ZFAND6: variants seen among roughly 807,000 people sequenced by gnomAD.
ZFAND6 encodes the protein AN1-type zinc finger protein 6.
Under a neutral mutation model 24.5 loss-of-function variants are expected in ZFAND6, and 12 were observed. That is an observed-to-expected ratio of 0.49 (90% CI 0.31 to 0.79). ZFAND6 has a LOEUF of 0.79. ZFAND6 is among the 30% of genes least tolerant of loss of function. The pLI, the probability that ZFAND6 is intolerant of heterozygous loss-of-function variation, is 0.04. For synonymous variants in ZFAND6, 92 were observed against 81.5 expected, an observed-to-expected ratio of 1.13 and a Z score of -0.69; for missense variants, 207 against 245.9, an observed-to-expected ratio of 0.84 and a Z score of 1.06.
chr15:80,111,660 T>C, intron 2 of ZFAND6: 1 of 334,286 alleles, frequency 3.0e-6, no homozygotes, highest in Non-Finnish European at 6.0e-6. Context: ...TTAATAAAGT[T>C]TTCTTATAAG....
chr15:80,127,739 G>T (rs1197062622), intron 5 of ZFAND6, among the ~76,000 whole-genome samples: 1 of 152,108 alleles, frequency 6.6e-6, no homozygotes, highest in East Asian at 1.9e-4. Context: ...GAGCCCTCCT[G>T]CCTTGGTGGG....
intron 2 of ZFAND6, among the ~76,000 whole-genome samples, chr15:80,113,982 T>C (rs944453757): frequency 2.6e-5 from 4 of 151,852 alleles, no homozygotes; most frequent in African/African-American, 9.7e-5. Context: ...CTGAAGTAGA[T>C]AGGATTATTA....
chr15:80,068,128 GTTTT>G lies in ZFAND6; in HGVS notation c.-181+8330_-181+8333del, dbSNP rs60285625. 5.5e-3 allele frequency among the ~76,000 whole-genome samples: 809 copies of G among 146,772 alleles called. 7 individuals are homozygous for G. Among genetic ancestry groups the G allele is most frequent in the Middle Eastern group, 0.036 (10 of 274 alleles). On this transcript the variant is annotated intron_variant, in intron 1 of 6. Coordinates refer to ENST00000261749, the MANE Select transcript of ZFAND6 (RefSeq NM_019006.4). ...AGGCGAGCACCACCGCGCCTGGCCT[GTTTT>G]TTTTTTTTTTGTTTGTTTGTTTGTT...
chr15:80,128,345 A>G (rs1184857270), intron 5 of ZFAND6, among the ~76,000 whole-genome samples: 1 of 152,258 alleles, frequency 6.6e-6, no homozygotes, highest in Non-Finnish European at 1.5e-5. Context: ...CCACCCCAAG[A>G]CAGTGAAGAG....
chr15:80,088,458 C>G (rs1417008285), intron 1 of ZFAND6, among the ~76,000 whole-genome samples: 1 of 152,106 alleles, frequency 6.6e-6, no homozygotes, highest in Non-Finnish European at 1.5e-5. Flanking sequence ...CCCAGCTACT[C>G]AGGAGGCCGA....
chr15:80,059,041 G>A (rs2141753239), upstream of ZFAND6, among the ~76,000 whole-genome samples: 1 of 152,356 alleles, frequency 6.6e-6, no homozygotes, highest in East Asian at 1.9e-4. Flanking sequence ...GCTTGTGCCT[G>A]TGCATGTATG....
intron 1 of ZFAND6, among the ~76,000 whole-genome samples, chr15:80,062,552 AGT>A (rs1385241570): frequency 2.6e-5 from 4 of 151,964 alleles, no homozygotes; most frequent in East Asian, 1.9e-4. Flanking sequence ...CATGTATGTA[AGT>A]GTGAATTTAC....
intron 6 of ZFAND6, among the ~76,000 whole-genome samples, chr15:80,131,794 A>G (rs1168134858): frequency 6.6e-6 from 1 of 152,254 alleles, no homozygotes; most frequent in Non-Finnish European, 1.5e-5. Flanking sequence ...AGAAATGTTC[A>G]AAAGCATTTA....
chr15:80,095,522 G>A (rs2038666886), intron 1 of ZFAND6, among the ~76,000 whole-genome samples: 1 of 152,174 alleles, frequency 6.6e-6, no homozygotes, highest in African/African-American at 2.4e-5. Flanking sequence ...TTCACAAAGA[G>A]TTTTAACATT....
intron 1 of ZFAND6, among the ~76,000 whole-genome samples, chr15:80,080,848 C>T (rs1476512507): frequency 1.3e-5 from 2 of 152,120 alleles, no homozygotes; most frequent in Non-Finnish European, 2.9e-5. Context: ...CGGAGAGGTA[C>T]CACACACTTT....
intron 2 of ZFAND6, among the ~76,000 whole-genome samples, chr15:80,107,696 T>C (rs1366990863): frequency 1.3e-5 from 2 of 151,926 alleles, no homozygotes; most frequent in African/African-American, 4.8e-5. Flanking sequence ...TAGGCACCTG[T>C]AAATCCCAGC....
At chr15:80,072,254 A>G (rs769175922) in intron 1 of ZFAND6, among the ~76,000 whole-genome samples, 3 of 152,158 alleles carry the variant, frequency 2.0e-5, no homozygotes, top group Non-Finnish European at 4.4e-5. Flanking sequence ...GATTTAGATT[A>G]AAAGCATTGT....
intron 6 of ZFAND6, among the ~76,000 whole-genome samples, chr15:80,133,077 TA>T: frequency 6.6e-6 from 1 of 152,092 alleles, no homozygotes; most frequent in African/African-American, 2.4e-5. Context: ...AGGATTGCTA[TA>T]AAAAAAGGCA....
At chr15:80,131,371 T>A in intron 6 of ZFAND6, 78 bp downstream of exon 6, 1 of 1,237,024 alleles carries the variant, frequency 8.1e-7, no homozygotes. Flanking sequence ...TGACTTCAAT[T>A]AAGATTGTTC....
At position 80,119,327 on chromosome 15, in the gene ZFAND6, T is replaced by C. The variant is rs114659899; in HGVS notation, c.-17-1001T>C. Among the ~76,000 whole-genome samples, 417 of 152,302 alleles carry C rather than the reference T, an allele frequency of 2.7e-3. 3 individuals are homozygous for C. Among genetic ancestry groups the C allele is most frequent in the African/African-American group, 9.2e-3 (383 of 41,578 alleles). On this transcript the variant is annotated intron_variant, in intron 2 of 6. Coordinates refer to ENST00000261749, the MANE Select transcript of ZFAND6 (RefSeq NM_019006.4). ...TAAAAATTTCCACCAATTATGCAAG[T>C]AATATCTTCATTTTAGAAAATTTAA...
intron 2 of ZFAND6, among the ~76,000 whole-genome samples, chr15:80,106,182 A>G (rs2039314742): frequency 6.6e-6 from 1 of 152,230 alleles, no homozygotes; most frequent in Non-Finnish European, 1.5e-5. Flanking sequence ...ACTTGCTTAT[A>G]GTCATGGAAT....
intron 2 of ZFAND6, among the ~76,000 whole-genome samples, chr15:80,114,423 AATT>A (rs1215037570): frequency 1.3e-5 from 2 of 152,196 alleles, no homozygotes; most frequent in African/African-American, 4.8e-5. Context: ...TCTCTGGGAC[AATT>A]ATTATACAAA....
rs139525871 is a variant in ZFAND6, at chr15:80,123,813, C to T, written c.364+1013C>T. 1.5e-4 allele frequency among the ~76,000 whole-genome samples: 23 copies of T among 152,316 alleles called. No individual in the cohort carries two copies. In the East Asian group the frequency reaches 2.1e-3, roughly 14 times the overall value. The stretch of plus-strand genomic sequence containing the variant: ...TGCTTGAGCCCAGGAATTCAGGCTG[C>T]GGTGAGCTATGATCGTGCCACTGCA... On this transcript the variant is annotated intron_variant, in intron 5 of 6. Coordinates refer to ENST00000261749, the MANE Select transcript of ZFAND6 (RefSeq NM_019006.4).
chr15:80,110,621 T>G (rs2039559643), intron 2 of ZFAND6, among the ~76,000 whole-genome samples: 1 of 150,104 alleles, frequency 6.7e-6, no homozygotes, highest in Admixed American at 6.7e-5. Flanking sequence ...CAAAAAAAAC[T>G]GTATAATTTA....
Sources: allele counts gnomAD v4.1 joint callset (sites outside exome capture counted in the v4.1 genomes callset), GRCh38; gene constraint gnomAD v4.1.1; transcripts MANE v1.5; gene names NCBI Gene and HGNC (gene_info 2026-07-23, HGNC 2026-07-21).